Variants in KCNT1 observed in about 807,000 individuals in gnomAD.
KCNT1 encodes potassium sodium-activated channel subfamily T member 1.
Under a neutral mutation model 147.8 loss-of-function variants are expected in KCNT1, and 78 were observed. The observed-to-expected ratio is 0.53, with a 90% CI of 0.44 to 0.64. The LOEUF (loss-of-function observed/expected upper bound fraction) is 0.64. Ranked by LOEUF, KCNT1 falls within the 30% of genes least tolerant of loss-of-function variation. The probability of loss-of-function intolerance (pLI) is 0.00; values close to 1 mark genes in which losing one functional copy is unlikely to be tolerated. For missense variants in KCNT1, 1,419 were observed against 1,750.3 expected (o/e 0.81, Z 3.38); for synonymous variants, 867 against 748.8 (o/e 1.16, Z -2.58).
chr9:135,786,717 C>T (rs1834082796), intron 29 of KCNT1, among the ~76,000 whole-genome samples, 196 bp downstream of exon 29: 1 of 152,262 alleles, frequency 6.6e-6, no homozygotes, highest in Non-Finnish European at 1.5e-5. Flanking sequence ...CACGGCCCAG[C>T]AGAGGCCCCG....
At position 135,702,321 on chromosome 9, in the gene KCNT1, C is replaced by T. The variant is rs771620470; in HGVS notation, c.63C>T (p.Gly21=). 2 of 1,611,562 alleles carry T rather than the reference C, an allele frequency of 1.2e-6. No homozygotes were observed. The highest frequency in any genetic ancestry group is 2.2e-5 in the South Asian group (2 of 91,042). The change falls in exon 1 of 31, where the codon GGC becomes GGT. Residue 21 remains glycine, a synonymous_variant. Transcript: ENST00000371757. ...GGVCREARGG[G]YTNRTFEFDD... The stretch of plus-strand genomic sequence containing the variant: ...TCTGCCGGGAGGCGCGCGGCGGGGG[C>T]TACACCAACCGGACCTTCGAGTTTG...
intron 29 of KCNT1, chr9:135,787,964 ACCGACTCGCTTCTGGTGG>A (rs1834199686): frequency 1.4e-6 from 1 of 700,276 alleles, no homozygotes. Flanking sequence ...CTTTCTGGTG[ACCGACTCGCTTCTGGTGG>A]CCGGCCTCCC....
At chr9:135,731,991 T>TATATATATATATATAGAGAG (rs1276318460) in intron 2 of KCNT1, among the ~76,000 whole-genome samples, 3 of 21,742 alleles carry the variant, frequency 1.4e-4, no homozygotes, top group African/African-American at 3.5e-4. Flanking sequence ...TATATATATA[T>TATATATATATATATAGAGAG]AGAGAGAGAG....
intron 17 of KCNT1, among the ~76,000 whole-genome samples, 183 bp from the exon 18 acceptor site, chr9:135,770,674 G>GCTCTCTGGTCCCCAA (rs1275632922): frequency 1.3e-5 from 2 of 152,210 alleles, no homozygotes; most frequent in African/African-American, 2.4e-5. Flanking sequence ...GCTGACCCCA[G>GCTCTCTGGTCCCCAA]CTCTCTGGTC....
rs890921548 is a variant in KCNT1 at position 135,719,703 on chromosome 9, G to A, written c.254+4983G>A. 2.6e-5 allele frequency among the ~76,000 whole-genome samples: 4 copies of A among 152,188 alleles called. No homozygotes were observed. The South Asian group carries it at 6.2e-4, about 24-fold the overall frequency. ...ACTGGCTGGGGCTTCCGGCAGGCAAGAGGAAGCTTCGTCCCTGAGCATGGC... is the reference window on the plus strand; with the variant it reads ...ACTGGCTGGGGCTTCCGGCAGGCAAAAGGAAGCTTCGTCCCTGAGCATGGC... On this transcript the variant is annotated intron_variant, in intron 2 of 30. Transcript: ENST00000371757.
intron 15 of KCNT1, among the ~76,000 whole-genome samples, chr9:135,769,297 G>A (rs371462608): frequency 1.3e-4 from 20 of 151,150 alleles, no homozygotes; most frequent in African/African-American, 4.4e-4. Context: ...GTCTGGGGCA[G>A]GGCGCGTGTG....
chr9:135,785,294 C>A lies in KCNT1; in HGVS notation c.3157-16C>A. On this transcript the variant is annotated splice_polypyrimidine_tract_variant and intron_variant, in intron 27 of 30. Transcript: ENST00000371757. The stretch of plus-strand genomic sequence containing the variant: ...GTGCGCCCACAGGTCCCAGACTGCG[C>A]CTGTTTCCTTTGCAGCCCCACGACC... The A allele has an allele frequency of 1.2e-6, 2 of 1,612,784 alleles. No homozygotes were observed. Among genetic ancestry groups the A allele is most frequent in the South Asian group, 1.1e-5 (1 of 91,074 alleles).
In KCNT1 at chr9:135,708,919, A is replaced by G. The variant is rs1835363167; in HGVS notation, c.111-5658A>G. 2.6e-5 allele frequency among the ~76,000 whole-genome samples: 4 copies of G among 152,238 alleles called. No homozygotes were observed. In the South Asian group the frequency reaches 8.3e-4, roughly 32 times the overall value. ...ACTTCCTATGCTGATCCTGAGAGGC[A>G]GGCTCCTTGCTTCTTTCTGAGCCCC... On this transcript the variant is annotated intron_variant, in intron 1 of 30. Coordinates refer to ENST00000371757, the MANE Select transcript of KCNT1 (RefSeq NM_020822.3).
At chr9:135,786,134 A>G in intron 28 of KCNT1, 63 bp from the exon 29 acceptor site, 1 of 1,484,926 alleles carries the variant, frequency 6.7e-7, no homozygotes, top group South Asian at 1.2e-5. Flanking sequence ...CCCCTGCCCC[A>G]AAGCCCGCGA....
chr9:135,772,618 G>A (rs1375251764), intron 18 of KCNT1, 97 bp from the exon 19 acceptor site: 12 of 853,718 alleles, frequency 1.4e-5, no homozygotes, highest in East Asian at 3.3e-5. Context: ...GCCATGACAG[G>A]GTCTCCAGAG....
chr9:135,705,584 G>A (rs1014231927), intron 1 of KCNT1, among the ~76,000 whole-genome samples: 5 of 152,242 alleles, frequency 3.3e-5, no homozygotes, highest in Non-Finnish European at 7.3e-5. Flanking sequence ...CCCGTGCTAG[G>A]TGGCTGGGTG....
At chr9:135,737,723 G>A (rs1830400110) in intron 2 of KCNT1, among the ~76,000 whole-genome samples, 1 of 152,116 alleles carries the variant, frequency 6.6e-6, no homozygotes, top group South Asian at 2.1e-4. Context: ...CAGATGGCAG[G>A]GCCAAGGGTG....
At chr9:135,781,127 C>T (rs1274035603) in intron 24 of KCNT1, among the ~76,000 whole-genome samples, 1 of 152,230 alleles carries the variant, frequency 6.6e-6, no homozygotes, top group African/African-American at 2.4e-5. Context: ...CGGGTGCGGC[C>T]AGCTCTCCAT....
chr9:135,783,862 GAC>G (rs938899128), intron 24 of KCNT1, among the ~76,000 whole-genome samples, 160 bp from the exon 25 acceptor site: 4 of 152,266 alleles, frequency 2.6e-5, no homozygotes, highest in African/African-American at 9.6e-5. Context: ...CACACATGCA[GAC>G]ACACACTGTG....
intron 1 of KCNT1, among the ~76,000 whole-genome samples, chr9:135,708,008 G>A (rs497599): frequency 0.82 from 125,118 of 152,232 alleles, 53,175 homozygotes; most frequent in Non-Finnish European, 0.93. Context: ...TGGGCATCTC[G>A]AGCAGCTCTG....
At chr9:135,749,208 G>C (rs1031912606) in intron 2 of KCNT1, among the ~76,000 whole-genome samples, 1 of 152,116 alleles carries the variant, frequency 6.6e-6, no homozygotes, top group Non-Finnish European at 1.5e-5. Flanking sequence ...CTGGGGCAGT[G>C]GGGGCAGCAG....
At chr9:135,767,991 C>A (rs1010837193) in intron 13 of KCNT1, among the ~76,000 whole-genome samples, 1 of 150,920 alleles carries the variant, frequency 6.6e-6, no homozygotes, top group African/African-American at 2.4e-5. Flanking sequence ...TGCACACACT[C>A]GGGGGACAGG....
chr9:135,759,229 C>T (rs1422138704), intron 10 of KCNT1, among the ~76,000 whole-genome samples: 1 of 152,174 alleles, frequency 6.6e-6, no homozygotes, highest in African/African-American at 2.4e-5. Flanking sequence ...CTGTGCCGGG[C>T]AGAGGCCTGA....
At chr9:135,779,239 A>ACC in intron 23 of KCNT1, 120 bp from the exon 24 acceptor site, 1 of 338,604 alleles carries the variant, frequency 3.0e-6, no homozygotes, top group South Asian at 2.1e-5. Flanking sequence ...CTGCCCTGAG[A>ACC]CCCCCCCACA....
Sources: gnomAD v4.1 joint callset for allele counts (sites outside exome capture counted in the v4.1 genomes callset) on GRCh38, gnomAD v4.1.1 for gene constraint, MANE v1.5 for transcripts, NCBI Gene and HGNC (gene_info 2026-07-23, HGNC 2026-07-21) for gene names.